PALLD: variants seen among roughly 807,000 people sequenced by gnomAD.
PALLD encodes the protein palladin.
In PALLD, 61 loss-of-function variants were observed where a neutral mutation model predicts 123.5. The observed-to-expected ratio is 0.49, with a 90% confidence interval of 0.40 to 0.61. The LOEUF is 0.61. Ranked by LOEUF, PALLD falls within the 20% of genes least tolerant of loss-of-function variation. PALLD has a pLI of 0.00. For missense variants in PALLD, 1,273 were observed against 1,377.0 expected (o/e 0.92, Z 1.20); for synonymous variants, 465 against 496.4 (o/e 0.94, Z 0.84).
At chr4:168,590,083 A>G (rs1244414731) in intron 2 of PALLD, among the ~76,000 whole-genome samples, 1 of 152,248 alleles carries the variant, frequency 6.6e-6, no homozygotes, top group Non-Finnish European at 1.5e-5. Flanking sequence ...CACGCCTGTA[A>G]TCCCAGTACT....
intron 3 of PALLD, among the ~76,000 whole-genome samples, chr4:168,680,072 A>C (rs17054460): frequency 0.12 from 18,446 of 152,160 alleles, 1,378 homozygotes; most frequent in African/African-American, 0.18. Context: ...CAGTGAACGT[A>C]TGTATTCTAA....
At chr4:168,661,486 C>A (rs1779131348) in intron 2 of PALLD, among the ~76,000 whole-genome samples, 2 of 152,146 alleles carry the variant, frequency 1.3e-5, no homozygotes, top group African/African-American at 4.8e-5. Context: ...ATTTTATTTC[C>A]AATTAGTACA....
At chr4:168,919,580 A>G (rs1761006281) in intron 17 of PALLD, among the ~76,000 whole-genome samples, 1 of 152,092 alleles carries the variant, frequency 6.6e-6, no homozygotes, top group Non-Finnish European at 1.5e-5. Context: ...AGGAAAAAAA[A>G]AAAGTTAGTG....
chr4:168,641,781 G>T (rs906781936), intron 2 of PALLD, among the ~76,000 whole-genome samples: 8 of 152,018 alleles, frequency 5.3e-5, no homozygotes, highest in Non-Finnish European at 1.2e-4. Context: ...TTCTACTCCC[G>T]TGCACCCCAG....
intron 2 of PALLD, among the ~76,000 whole-genome samples, chr4:168,571,197 TTCTTCCC>T (rs1467124300): frequency 6.6e-6 from 1 of 152,182 alleles, no homozygotes; most frequent in African/African-American, 2.4e-5. Flanking sequence ...TTTCCAGAGT[TTCTTCCC>T]TCTTTTCCTT....
intron 8 of PALLD, among the ~76,000 whole-genome samples, chr4:168,707,777 A>C (rs984033002): frequency 3.3e-5 from 5 of 152,170 alleles, no homozygotes; most frequent in African/African-American, 1.2e-4. Context: ...GTCTTATGCT[A>C]CCCCCAAAAT....
At chr4:168,610,631 C>T (rs1580566648) in intron 2 of PALLD, among the ~76,000 whole-genome samples, 3 of 152,192 alleles carry the variant, frequency 2.0e-5, no homozygotes, top group Non-Finnish European at 4.4e-5. Flanking sequence ...GAAATAAACT[C>T]GTGCTCCCAA....
chr4:168,581,440 A>G (rs1270529189), intron 2 of PALLD, among the ~76,000 whole-genome samples: 1 of 152,100 alleles, frequency 6.6e-6, no homozygotes, highest in Non-Finnish European at 1.5e-5. Flanking sequence ...GATAGTAGCC[A>G]TTCTAACAGG....
intron 10 of PALLD, among the ~76,000 whole-genome samples, chr4:168,717,845 A>G (rs187304303): frequency 5.1e-4 from 77 of 152,364 alleles, no homozygotes; most frequent in Admixed American, 4.7e-3. Flanking sequence ...TAATTTGGGA[A>G]CACTTTCAAC....
chr4:168,857,407 C>T (rs996280027), intron 10 of PALLD, among the ~76,000 whole-genome samples: 11 of 152,282 alleles, frequency 7.2e-5, no homozygotes, highest in Admixed American at 7.2e-4. Context: ...CTCTTTTTTA[C>T]TTAATTTTCA....
At chr4:168,741,345 T>TGTG (rs56865130) in intron 10 of PALLD, among the ~76,000 whole-genome samples, 6,723 of 89,964 alleles carry the variant, frequency 0.075, 194 homozygotes, top group African/African-American at 0.093. Flanking sequence ...TATTTGTTTT[T>TGTG]TTTGTGTGTG....
chr4:168,891,117 T>G (rs1015151370), intron 11 of PALLD, 60 bp downstream of exon 11: 2 of 1,529,930 alleles, frequency 1.3e-6, no homozygotes, highest in Admixed American at 1.7e-5. Context: ...CTTTCTTCCT[T>G]TCTCTAAGAC....
intron 10 of PALLD, among the ~76,000 whole-genome samples, chr4:168,776,004 T>G (rs2150524889): frequency 6.6e-6 from 1 of 152,334 alleles, no homozygotes; most frequent in East Asian, 1.9e-4. Context: ...GAAAGTTGTT[T>G]TGGCTACTCT....
In PALLD at chr4:168,891,030, G is replaced by A; in HGVS notation, c.2073G>A (p.Lys691=). 3 of 1,614,170 alleles carry A rather than the reference G, an allele frequency of 1.9e-6. No individual in the cohort carries two copies. Among genetic ancestry groups the A allele is most frequent in the East Asian group, 2.2e-5 (1 of 44,890 alleles). ...IQDLERKLRF[K]EDLLNNGQPR... Reference sequence around the variant, plus strand: ...ACCTGGAACGAAAACTTCGCTTCAAGGAGGACCTCCTGAACAATGGCCAGC... The same window carrying A: ...ACCTGGAACGAAAACTTCGCTTCAAAGAGGACCTCCTGAACAATGGCCAGC... Residue 691 remains lysine, a synonymous_variant, in exon 11 of 22, where the codon AAG becomes AAA. Coordinates refer to ENST00000505667, the MANE Select transcript of PALLD (RefSeq NM_001166108.2).
chr4:168,645,680 C>T (rs1777377149), intron 2 of PALLD, among the ~76,000 whole-genome samples: 2 of 152,152 alleles, frequency 1.3e-5, no homozygotes, highest in African/African-American at 4.8e-5. Flanking sequence ...CCAGAGTGAA[C>T]ACTTATTCGA....
intron 10 of PALLD, among the ~76,000 whole-genome samples, chr4:168,713,530 G>A (rs984601757): frequency 3.9e-5 from 6 of 152,128 alleles, no homozygotes; most frequent in South Asian, 2.1e-4. Context: ...GAGCAAATAC[G>A]AGGAGCTGTT....
chr4:168,667,754 A>AT (rs1779795020), intron 2 of PALLD, among the ~76,000 whole-genome samples: 1 of 152,164 alleles, frequency 6.6e-6, no homozygotes, highest in South Asian at 2.1e-4. Flanking sequence ...GCTGCCTGTG[A>AT]TTTTTTAACA....
chr4:168,640,425 A>T (rs992253753), intron 2 of PALLD, among the ~76,000 whole-genome samples: 1 of 152,176 alleles, frequency 6.6e-6, no homozygotes, highest in Non-Finnish European at 1.5e-5. Context: ...TGGCCCCTCA[A>T]AGCACTTCTC....
At chr4:168,565,393 A>T (rs1264723164) in intron 2 of PALLD, among the ~76,000 whole-genome samples, 1 of 152,160 alleles carries the variant, frequency 6.6e-6, no homozygotes, top group African/African-American at 2.4e-5. Flanking sequence ...TGCAGCACAG[A>T]GCTGGGGGAG....
Sources: gnomAD v4.1 joint callset for allele counts (sites outside exome capture counted in the v4.1 genomes callset) on GRCh38, gnomAD v4.1.1 for gene constraint, MANE v1.5 for transcripts, NCBI Gene and HGNC (gene_info 2026-07-23, HGNC 2026-07-21) for gene names.